Variants in NR2F1-AS1 observed in about 807,000 individuals in gnomAD.
NR2F1-AS1 encodes NR2F1 antisense RNA 1.
chr5:93,583,209 A>T (rs1000061679), upstream of NR2F1-AS1: 1 of 152,192 alleles, frequency 6.6e-6, no homozygotes, highest in African/African-American at 2.4e-5. Flanking sequence ...ACATTCGCGC[A>T]GATCCCCCTT....
intron 4 of NR2F1-AS1, among the ~76,000 whole-genome samples, chr5:93,439,632 T>G (rs1233449443): frequency 6.6e-6 from 1 of 152,228 alleles, no homozygotes; most frequent in African/African-American, 2.4e-5. Context: ...TAAAAAATGC[T>G]CAAATCAGTT....
chr5:93,445,611 T>C (rs572257594), intron 4 of NR2F1-AS1, among the ~76,000 whole-genome samples: 3 of 152,114 alleles, frequency 2.0e-5, no homozygotes, highest in Admixed American at 1.3e-4. Flanking sequence ...AGCCGAATTC[T>C]ACCAGAGGTA....
chr5:93,572,657 G>T lies in NR2F1-AS1; in HGVS notation n.313+7810C>A, dbSNP rs546663574. On this transcript the variant is annotated intron_variant and non_coding_transcript_variant, in intron 1 of 5. Coordinates refer to ENST00000660523, the Ensembl canonical transcript of NR2F1-AS1. ...AAACACCACCAGCGCCGTTATTCCAGACTCCAGATCCCTGCCTTTTCCCCC... is the reference window on the plus strand; with the variant it reads ...AAACACCACCAGCGCCGTTATTCCATACTCCAGATCCCTGCCTTTTCCCCC... 1.4e-4 allele frequency among the ~76,000 whole-genome samples: 21 copies of T among 152,328 alleles called. No homozygotes were observed. The South Asian group carries it at 4.4e-3, about 32-fold the overall frequency.
At chr5:93,476,947 A>G (rs1750498226) in intron 4 of NR2F1-AS1, among the ~76,000 whole-genome samples, 1 of 152,196 alleles carries the variant, frequency 6.6e-6, no homozygotes, top group African/African-American at 2.4e-5. Flanking sequence ...ATTCTGCTGG[A>G]AAGAAGGCTG....
intron 4 of NR2F1-AS1, among the ~76,000 whole-genome samples, chr5:93,531,162 T>C (rs905759123): frequency 6.6e-6 from 1 of 152,232 alleles, no homozygotes; most frequent in Non-Finnish European, 1.5e-5. Context: ...GTATTCATGA[T>C]ATCAAGAAAT....
chr5:93,584,872 G>C (rs2149941188), upstream of NR2F1-AS1: 1 of 163,044 alleles, frequency 6.1e-6, no homozygotes, highest in African/African-American at 2.4e-5. Flanking sequence ...TCCGGCTCGG[G>C]CTCGGCTCCT....
chr5:93,495,572 G>A (rs1021662518), intron 4 of NR2F1-AS1, among the ~76,000 whole-genome samples: 1 of 151,936 alleles, frequency 6.6e-6, no homozygotes, highest in South Asian at 2.1e-4. Context: ...AGCCTTGACC[G>A]TGTAATGGAG....
At chr5:93,584,963 C>A, upstream of NR2F1-AS1, 1 of 751,776 alleles carries the variant, frequency 1.3e-6, no homozygotes, top group Non-Finnish European at 1.6e-6. Flanking sequence ...AGCGCGCCCG[C>A]GCGCCCCGCG....
chr5:93,500,442 C>T (rs1012298676), intron 4 of NR2F1-AS1, among the ~76,000 whole-genome samples: 3 of 151,928 alleles, frequency 2.0e-5, no homozygotes, highest in Non-Finnish European at 4.4e-5. Context: ...ATATTTTAAG[C>T]CTTTCAATGA....
At chr5:93,512,781 T>C (rs1751326156) in intron 4 of NR2F1-AS1, among the ~76,000 whole-genome samples, 1 of 152,204 alleles carries the variant, frequency 6.6e-6, no homozygotes, top group Admixed American at 6.5e-5. Flanking sequence ...CACATTAACA[T>C]GCTGTTTGTA....
At chr5:93,514,928 T>C (rs1174265685) in intron 4 of NR2F1-AS1, among the ~76,000 whole-genome samples, 1 of 151,966 alleles carries the variant, frequency 6.6e-6, no homozygotes, top group Non-Finnish European at 1.5e-5. Context: ...AAAGTGAAGT[T>C]AATGGGTTCC....
At chr5:93,478,137 G>C (rs1750525043) in intron 4 of NR2F1-AS1, among the ~76,000 whole-genome samples, 1 of 152,282 alleles carries the variant, frequency 6.6e-6, no homozygotes, top group East Asian at 1.9e-4. Context: ...ACTGCACACA[G>C]CCATGAAGCA....
intron 4 of NR2F1-AS1, among the ~76,000 whole-genome samples, chr5:93,458,835 C>T (rs1207253447): frequency 6.6e-6 from 1 of 151,848 alleles, no homozygotes; most frequent in Non-Finnish European, 1.5e-5. Context: ...CATGGTGAAA[C>T]CCCATCTCTA....
At chr5:93,552,089 T>C (rs953921355) in intron 4 of NR2F1-AS1, among the ~76,000 whole-genome samples, 1 of 152,206 alleles carries the variant, frequency 6.6e-6, no homozygotes, top group Non-Finnish European at 1.5e-5. Context: ...CCAGGTATTA[T>C]GCTAGAAATT....
At chr5:93,455,522 CG>C (rs1014894588) in intron 4 of NR2F1-AS1, among the ~76,000 whole-genome samples, 6 of 151,718 alleles carry the variant, frequency 4.0e-5, no homozygotes, top group African/African-American at 1.5e-4. Flanking sequence ...ACTGCCAGAT[CG>C]GATTTAAAAT....
chr5:93,411,056 C>T (rs1452730485), intron 4 of NR2F1-AS1: 2 of 152,082 alleles, frequency 1.3e-5, no homozygotes, highest in Non-Finnish European at 2.9e-5. Flanking sequence ...TGGGGATACA[C>T]CTAATTAACA....
At chr5:93,551,687 C>T (rs1752233824) in intron 4 of NR2F1-AS1, among the ~76,000 whole-genome samples, 1 of 152,068 alleles carries the variant, frequency 6.6e-6, no homozygotes, top group African/African-American at 2.4e-5. Flanking sequence ...CCTTTTCCAA[C>T]TTTAGACTGA....
intron 4 of NR2F1-AS1, among the ~76,000 whole-genome samples, chr5:93,423,857 G>C (rs1200504500): frequency 6.6e-6 from 1 of 151,892 alleles, no homozygotes; most frequent in Non-Finnish European, 1.5e-5. Flanking sequence ...CATCTTAAAG[G>C]CCTTCACTTC....
rs117222534 is a variant in NR2F1-AS1, at chr5:93,469,375, C to T, written n.639-73833G>A. ...TAAACATAGAAAAGGTTCATTAATA[C>T]TAAGGTATTATAATCTTATGGGACC... On this transcript the variant is annotated intron_variant and non_coding_transcript_variant, in intron 4 of 5. Coordinates refer to ENST00000660523, the Ensembl canonical transcript of NR2F1-AS1. Among the ~76,000 whole-genome samples the T allele has an allele frequency of 1.6e-3, 241 of 152,220 alleles. 2 individuals are homozygous for T. The East Asian group carries it at 0.044, about 28-fold the overall frequency.
Sources: gnomAD v4.1 joint callset for allele counts (sites outside exome capture counted in the v4.1 genomes callset) on GRCh38, gnomAD v4.1.1 for gene constraint, MANE v1.5 for transcripts, NCBI Gene and HGNC (gene_info 2026-07-23, HGNC 2026-07-21) for gene names.